PHF24: variants seen among roughly 807,000 people sequenced by gnomAD.
PHF24 encodes the protein Galpha inhibitory interacting protein.
In PHF24, 25 loss-of-function variants were observed where a neutral mutation model predicts 42.6. The observed-to-expected ratio is 0.59, with a 90% CI of 0.43 to 0.82. The LOEUF (loss-of-function observed/expected upper bound fraction) is 0.82. PHF24 is among the 40% of genes least tolerant of loss of function. The pLI is 0.00. For synonymous variants in PHF24, 185 were observed against 204.8 expected (o/e 0.90, Z 0.83); for missense variants, 470 against 538.1 (o/e 0.87, Z 1.25).
At chr9:34,756,577 A>G in the PHF24 span, among the ~76,000 whole-genome samples, 1 of 152,140 alleles carries the variant, frequency 6.6e-6, no homozygotes, top group South Asian at 2.1e-4. Context: ...TCTATGTGTC[A>G]CCTTTATGGT....
the PHF24 span, among the ~76,000 whole-genome samples, chr9:34,841,158 C>T: frequency 2.5e-3 from 377 of 152,160 alleles, no homozygotes; most frequent in African/African-American, 8.6e-3. Context: ...CGCCACCACA[C>T]CCGGCTAATT....
the PHF24 span, among the ~76,000 whole-genome samples, chr9:34,823,674 A>G: frequency 6.6e-6 from 1 of 152,098 alleles, no homozygotes; most frequent in East Asian, 1.9e-4. Context: ...TGGAGGTGGA[A>G]ACCTGGCTGG....
the PHF24 span, among the ~76,000 whole-genome samples, chr9:34,915,200 A>AT: frequency 6.6e-6 from 1 of 151,466 alleles, no homozygotes; most frequent in Non-Finnish European, 1.5e-5. Flanking sequence ...GCCCTGCTAA[A>AT]TTTTTGTATT....
At chr9:34,721,815 C>T in the PHF24 span, among the ~76,000 whole-genome samples, 1 of 152,220 alleles carries the variant, frequency 6.6e-6, no homozygotes, top group South Asian at 2.1e-4. Context: ...CTAAATCTAA[C>T]ACGCCTCATC....
chr9:34,669,540 C>G, the PHF24 span, among the ~76,000 whole-genome samples: 1 of 150,990 alleles, frequency 6.6e-6, no homozygotes, highest in Non-Finnish European at 1.5e-5. Flanking sequence ...GTCTGTGAGA[C>G]TGTGTGTGAG....
the PHF24 span, chr9:34,724,037 C>G: frequency 5.1e-5 from 78 of 1,532,946 alleles, 1 homozygote; most frequent in Non-Finnish European, 1.8e-6. Context: ...TGAGGAGCGC[C>G]CAAACCCCGC....
At chr9:34,852,836 A>C in the PHF24 span, among the ~76,000 whole-genome samples, 56,151 of 152,058 alleles carry the variant, frequency 0.37, 10,762 homozygotes, top group East Asian at 0.66. Context: ...TGTGTTGCCC[A>C]GATGGTCTTG....
chr9:34,846,702 A>C, the PHF24 span, among the ~76,000 whole-genome samples: 1 of 152,200 alleles, frequency 6.6e-6, no homozygotes, highest in Non-Finnish European at 1.5e-5. Flanking sequence ...GGTAATGCCC[A>C]GGTTTTCTTC....
chr9:34,694,220 A>G, the PHF24 span, among the ~76,000 whole-genome samples: 446 of 123,480 alleles, frequency 3.6e-3, 1 homozygote, highest in African/African-American at 0.014. Flanking sequence ...CCCAGGCTCT[A>G]GTGCAGTGGC....
chr9:34,972,806 C>G (rs1008953096), intron 3 of PHF24, among the ~76,000 whole-genome samples: 1 of 148,062 alleles, frequency 6.8e-6, no homozygotes, highest in African/African-American at 2.5e-5. Flanking sequence ...CCCAGCTACT[C>G]GGGAGGCTGA....
chr9:34,722,905 G>T, the PHF24 span: 1 of 285,706 alleles, frequency 3.5e-6, no homozygotes, highest in Non-Finnish European at 6.5e-6. Flanking sequence ...GTGCACTCTA[G>T]ATAAAAGCTT....
At chr9:34,903,786 A>C in the PHF24 span, among the ~76,000 whole-genome samples, 1 of 152,088 alleles carries the variant, frequency 6.6e-6, no homozygotes, top group Non-Finnish European at 1.5e-5. Context: ...CCATTTTCAC[A>C]ATATTGATTC....
the PHF24 span, among the ~76,000 whole-genome samples, chr9:34,721,486 C>T: frequency 6.6e-6 from 1 of 151,824 alleles, no homozygotes; most frequent in African/African-American, 2.4e-5. Context: ...ACAGTCTGGG[C>T]TCACTGCAAC....
the PHF24 span, chr9:34,681,218 G>A: frequency 6.6e-6 from 1 of 152,210 alleles, no homozygotes; most frequent in Non-Finnish European, 1.5e-5. Flanking sequence ...AGCAGGCTTG[G>A]TATGCATGGG....
the PHF24 span, among the ~76,000 whole-genome samples, chr9:34,842,628 A>G: frequency 6.6e-6 from 1 of 152,198 alleles, no homozygotes; most frequent in Non-Finnish European, 1.5e-5. Flanking sequence ...TCTTGGAAGC[A>G]GAGACTGGGC....
the PHF24 span, among the ~76,000 whole-genome samples, chr9:34,919,037 A>T: frequency 6.6e-6 from 1 of 152,232 alleles, no homozygotes; most frequent in Non-Finnish European, 1.5e-5. Flanking sequence ...CATTTAAAAA[A>T]ATTAGCTTAT....
chr9:34,971,196 A>G, intron 1 of PHF24, 99 bp from the exon 2 acceptor site: 1 of 1,335,848 alleles, frequency 7.5e-7, no homozygotes, highest in Non-Finnish European at 1.0e-6. Flanking sequence ...TAGAAGAGGG[A>G]GAAACTGTTT....
the PHF24 span, among the ~76,000 whole-genome samples, chr9:34,787,665 A>G: frequency 6.6e-6 from 1 of 152,196 alleles, no homozygotes; most frequent in Non-Finnish European, 1.5e-5. Flanking sequence ...GACCAACTGA[A>G]TTGAACATCT....
rs1251680963 is a variant in PHF24, at chr9:34,958,793, G to T, written c.-5+392G>T. Among the ~76,000 whole-genome samples, 1 of 152,178 alleles carries T rather than the reference G, an allele frequency of 6.6e-6. No homozygotes were observed. Among genetic ancestry groups the T allele is most frequent in the African/African-American group, 2.4e-5 (1 of 41,454 alleles). Reference sequence around the variant, plus strand: ...ATAGGGGAGCCGCAGGAACCTCGAGGTGGTGGAGCCCCCAGAGGGCTCCCT... The same window carrying T: ...ATAGGGGAGCCGCAGGAACCTCGAGTTGGTGGAGCCCCCAGAGGGCTCCCT... On this transcript the variant is annotated intron_variant, in intron 1 of 7. Transcript: ENST00000242315. This position sits in a 1 kb window ranked among gnomAD's most constrained non-coding sequence, Gnocchi z 4.5.
Sources: gnomAD v4.1 joint callset for allele counts (sites outside exome capture counted in the v4.1 genomes callset) on GRCh38, gnomAD v4.1.1 for gene constraint, Gnocchi (gnomAD v3.1) non-coding constraint, MANE v1.5 for transcripts, NCBI Gene and HGNC (gene_info 2026-07-23, HGNC 2026-07-21) for gene names.